Variants in TK2 observed in about 807,000 individuals in gnomAD.
TK2 encodes thymidine kinase 2, also known as thymidine kinase 2, mitochondrial.
Under a neutral mutation model 41.9 loss-of-function variants are expected in TK2, and 35 were observed. The observed-to-expected ratio is 0.84, with a 90% CI of 0.64 to 1.11. TK2 has a LOEUF of 1.11. TK2 is among the 50% of genes least tolerant of loss of function. The pLI, the probability that TK2 is intolerant of heterozygous loss-of-function variation, is 0.00. For synonymous variants in TK2, 128 were observed against 129.1 expected, an observed-to-expected ratio of 0.99 and a Z score of 0.06; for missense variants, 320 against 351.1, an observed-to-expected ratio of 0.91 and a Z score of 0.71.
chr16:66,523,126 T>C (rs1036266090), intron 6 of TK2, among the ~76,000 whole-genome samples: 3 of 152,176 alleles, frequency 2.0e-5, no homozygotes, highest in African/African-American at 7.2e-5. Flanking sequence ...ATATGTGGGC[T>C]TTTCTGGGGA....
chr16:66,511,899 G>T lies in TK2; in HGVS notation c.*69C>A. ...GCCCTCCTGGGAGCAAGTTTTTCCA[G>T]ATTGCTCCCAATAGCTAACTTGGCA... On this transcript the variant is annotated 3_prime_UTR_variant, in exon 10 of 10. Coordinates refer to ENST00000544898, the MANE Select transcript of TK2 (RefSeq NM_004614.5). The T allele has an allele frequency of 1.4e-6, 2 of 1,444,764 alleles. No homozygotes were observed. Among genetic ancestry groups the T allele is most frequent in the Non-Finnish European group, 9.7e-7 (1 of 1,027,460 alleles). The allele number at this position is 1,444,764 out of a possible 1,614,324, so 89.5% of individuals were successfully genotyped here.
chr16:66,528,898 C>T (rs905380221), intron 6 of TK2, 96 bp downstream of exon 6: 21 of 1,154,648 alleles, frequency 1.8e-5, no homozygotes, highest in Middle Eastern at 2.3e-4. Flanking sequence ...GATACAACAG[C>T]GGGTACTCCA....
At position 66,549,922 on chromosome 16, in the gene TK2, C is replaced by T; in HGVS notation, c.124+16G>A. 1 of 1,352,242 alleles carries T rather than the reference C, an allele frequency of 7.4e-7. No individual in the cohort carries two copies. The highest frequency in any genetic ancestry group is 9.4e-7 in the Non-Finnish European group (1 of 1,061,260). 83.8% of individuals were successfully genotyped at this position (1,352,242 alleles called of 1,614,324 possible). On this transcript the variant is annotated intron_variant, in intron 1 of 9. Transcript: ENST00000544898. ...GCATAGGGGCTCCTGGGAGGCGGGACCAAGACGCGCGTTACCGGGAGGCCA... is the reference window on the plus strand; with the variant it reads ...GCATAGGGGCTCCTGGGAGGCGGGATCAAGACGCGCGTTACCGGGAGGCCA...
intron 6 of TK2, among the ~76,000 whole-genome samples, chr16:66,518,659 T>G (rs1265628913): frequency 6.6e-6 from 1 of 152,242 alleles, no homozygotes; most frequent in Admixed American, 6.5e-5. Context: ...TGAAGGATGA[T>G]ATTGTAAAAT....
Position 66,517,759 on chromosome 16 carries a change from A to C in TK2, c.538+30T>G. On this transcript the variant is annotated intron_variant, in intron 7 of 9. Coordinates refer to ENST00000544898, the MANE Select transcript of TK2 (RefSeq NM_004614.5). This position sits in a 1 kb window ranked among gnomAD's most constrained non-coding sequence, Gnocchi z 4.3. Reference sequence around the variant, plus strand: ...CCTCAAGGGACCCAGGAGAGAGACAAGAGAGGGAGGTGGGAGGGGTGCATC... The same window carrying C: ...CCTCAAGGGACCCAGGAGAGAGACACGAGAGGGAGGTGGGAGGGGTGCATC... 1 of 1,604,854 alleles carries C rather than the reference A, an allele frequency of 6.2e-7. No individual in the cohort carries two copies. Among genetic ancestry groups the C allele is most frequent in the Non-Finnish European group, 8.5e-7 (1 of 1,171,570 alleles).
chr16:66,536,075 G>A (rs920349146), intron 4 of TK2, among the ~76,000 whole-genome samples: 11 of 151,872 alleles, frequency 7.2e-5, no homozygotes, highest in South Asian at 2.1e-4. Context: ...ATGGTCGTGC[G>A]CACCTGTAGT....
chr16:66,548,563 C>G (rs970532479), intron 2 of TK2: 2 of 241,982 alleles, frequency 8.3e-6, no homozygotes, highest in East Asian at 2.1e-4. Context: ...CTAATGGTTT[C>G]TCTCTGATCC....
At chr16:66,546,978 C>A (rs1965628748) in intron 2 of TK2, among the ~76,000 whole-genome samples, 2 of 152,162 alleles carry the variant, frequency 1.3e-5, no homozygotes, top group Admixed American at 6.5e-5. Flanking sequence ...GTCTCAGACT[C>A]CTGAGCTCAA....
At chr16:66,513,643 C>T (rs952344304) in intron 9 of TK2, 88 bp downstream of exon 9, 3 of 1,201,614 alleles carry the variant, frequency 2.5e-6, no homozygotes, top group Non-Finnish European at 2.4e-6. Flanking sequence ...AAGGACTGTG[C>T]CCTCCCCTGT....
chr16:66,532,157 CT>C (rs1965135753), intron 4 of TK2, among the ~76,000 whole-genome samples: 1 of 146,782 alleles, frequency 6.8e-6, no homozygotes, highest in African/African-American at 2.5e-5. Context: ...ACCTTAAAGA[CT>C]CCACCAAACA....
chr16:66,549,714 G>C lies in TK2; in HGVS notation c.124+224C>G. 5.5e-6 allele frequency: 7 copies of C among 1,266,644 alleles called. 1 individual carries two copies. Among genetic ancestry groups the C allele is most frequent in the Middle Eastern group, 6.0e-4 (2 of 3,328 alleles). 78.5% of individuals were successfully genotyped at this position (1,266,644 alleles called of 1,614,324 possible). On this transcript the variant is annotated intron_variant, in intron 1 of 9. Transcript: ENST00000544898. ...GAGCGTGTCCGTCCTGCTCTTTAAA[G>C]GCCCTCTCTCCATCCCAGAACCAAA...
In TK2 at chr16:66,510,287, T is replaced by C. The variant is rs538743722; in HGVS notation, c.*1681A>G. The C allele has an allele frequency of 3.6e-4, 54 of 151,618 alleles. No individual in the cohort carries two copies. Among genetic ancestry groups the C allele is most frequent in the East Asian group, 1.6e-3 (8 of 5,158 alleles). The allele number at this position is 151,618 out of a possible 1,614,324, so 9.4% of individuals were successfully genotyped here. A position where few individuals can be genotyped will look rare whatever the true frequency, so the allele number is the denominator to read the frequency against. On this transcript the variant is annotated 3_prime_UTR_variant, in exon 10 of 10. Transcript: ENST00000544898. ...GTGCAAAATGAGCCGAGAGGAAATA[T>C]TGGACTGTTCATTTACAAATTCTCA... is the stretch of plus-strand genomic sequence containing the variant.
At chr16:66,516,514 A>G (rs1222676415) in intron 8 of TK2, among the ~76,000 whole-genome samples, 1 of 152,188 alleles carries the variant, frequency 6.6e-6, no homozygotes, top group Non-Finnish European at 1.5e-5. Flanking sequence ...AGTATTGGAA[A>G]TATCAGCCGG....
chr16:66,529,168 G>T, intron 5 of TK2, 101 bp from the exon 6 acceptor site: 1 of 1,101,536 alleles, frequency 9.1e-7, no homozygotes, highest in Non-Finnish European at 1.4e-6. Context: ...GGACTTTGCT[G>T]AATATGAGAA....
At position 66,517,234 on chromosome 16, in the gene TK2, G is replaced by A. The variant is rs746992554; in HGVS notation, c.539-19C>T. The A allele has an allele frequency of 2.5e-5, 40 of 1,609,038 alleles. No homozygotes were observed. Among genetic ancestry groups the A allele is most frequent in the Middle Eastern group, 1.6e-4 (1 of 6,076 alleles). Reference sequence around the variant, plus strand: ...AGGTAAACTGAGGTTAAAAGAATACGTGGCTCTCAGGACTCTGCTCATGGC... The same window carrying A: ...AGGTAAACTGAGGTTAAAAGAATACATGGCTCTCAGGACTCTGCTCATGGC... On this transcript the variant is annotated intron_variant, in intron 7 of 9. Transcript: ENST00000544898. This position sits in a 1 kb window ranked among gnomAD's most constrained non-coding sequence, Gnocchi z 4.3.
At chr16:66,528,310 T>C (rs1964998069) in intron 6 of TK2, among the ~76,000 whole-genome samples, 1 of 152,192 alleles carries the variant, frequency 6.6e-6, no homozygotes, top group South Asian at 2.1e-4. Flanking sequence ...GAGGGCCCCA[T>C]GCCTGAGCCC....
At chr16:66,549,735 C>T in intron 1 of TK2, 1 of 1,279,992 alleles carries the variant, frequency 7.8e-7, no homozygotes, top group Non-Finnish European at 9.8e-7. Context: ...CATCCCAGAA[C>T]CAAAGCCGAG....
intron 9 of TK2, among the ~76,000 whole-genome samples, chr16:66,512,784 A>G (rs1964489175): frequency 6.6e-6 from 1 of 152,192 alleles, no homozygotes; most frequent in South Asian, 2.1e-4. Context: ...CTCTGTCTCA[A>G]AAACAAACAA....
At chr16:66,549,071 T>C (rs1398110883) in intron 1 of TK2, 62 bp from the exon 2 acceptor site, 3 of 1,607,172 alleles carry the variant, frequency 1.9e-6, no homozygotes, top group East Asian at 4.5e-5. Flanking sequence ...CTGCCCTAAT[T>C]TGCTACATGA....
Sources: allele counts gnomAD v4.1 joint callset (sites outside exome capture counted in the v4.1 genomes callset), GRCh38; gene constraint gnomAD v4.1.1; non-coding constraint Gnocchi (gnomAD v3.1); transcripts MANE v1.5; gene names NCBI Gene and HGNC (gene_info 2026-07-23, HGNC 2026-07-21).